Variants in TJP2 observed in about 807,000 individuals in gnomAD.
TJP2 encodes tight junction protein 2.
Under a neutral mutation model 133.1 loss-of-function variants are expected in TJP2, and 91 were observed. The observed-to-expected ratio is 0.68, with a 90% confidence interval of 0.58 to 0.81. TJP2 has a LOEUF of 0.81. TJP2 is among the 40% of genes least tolerant of loss of function. The pLI is 0.00. For missense variants in TJP2, 1,541 were observed against 1,565.6 expected (o/e 0.98, Z 0.26); for synonymous variants, 592 against 583.4 (o/e 1.01, Z -0.21).
chr9:69,174,367 TC>T lies in TJP2; in HGVS notation c.-4del. On this transcript the variant is annotated 5_prime_UTR_variant, in exon 1 of 23. Transcript: ENST00000377245. ...GCTGCGCGCCTACGCGGGACCTGTG[TC>T]CGAAATGCCGGTGCGAGGAGACCGC... The T allele has an allele frequency of 9.0e-6, 14 of 1,551,710 alleles. No individual in the cohort carries two copies. Among genetic ancestry groups the T allele is most frequent in the Non-Finnish European group, 1.2e-5 (14 of 1,147,018 alleles).
At chr9:69,139,450 C>A (rs2133283305) in intron 1 of TJP2, among the ~76,000 whole-genome samples, 1 of 152,268 alleles carries the variant, frequency 6.6e-6, no homozygotes, top group Middle Eastern at 3.4e-3. Context: ...CAGACACATA[C>A]AGAGGGAAGG....
intron 2 of TJP2, among the ~76,000 whole-genome samples, chr9:69,154,397 C>T (rs1392485610): frequency 1.3e-5 from 2 of 152,214 alleles, no homozygotes; most frequent in South Asian, 2.1e-4. Context: ...TCAGCCTCTA[C>T]TCATTCTGCT....
intron 1 of TJP2, among the ~76,000 whole-genome samples, chr9:69,177,708 G>A (rs556679133): frequency 3.4e-4 from 52 of 151,736 alleles, no homozygotes; most frequent in African/African-American, 1.1e-3. Flanking sequence ...GTGGTGGTGC[G>A]GTCTTGGCTC....
chr9:69,145,784 GAGC>G, intron 1 of TJP2: 1 of 1,232,084 alleles, frequency 8.1e-7, no homozygotes. Flanking sequence ...TTCTACCTGA[GAGC>G]AGAAGACACG....
chr9:69,242,612 G>A (rs543500743), intron 17 of TJP2, among the ~76,000 whole-genome samples: 1 of 152,196 alleles, frequency 6.6e-6, no homozygotes, highest in East Asian at 1.9e-4. Context: ...GATAGATGGT[G>A]CAGGGTGTGC....
At chr9:69,211,543 T>G (rs1236255479) in intron 1 of TJP2, among the ~76,000 whole-genome samples, 1 of 152,184 alleles carries the variant, frequency 6.6e-6, no homozygotes, top group Non-Finnish European at 1.5e-5. Context: ...AGGGCTGTGT[T>G]TGAGTGTGAT....
intron 1 of TJP2, among the ~76,000 whole-genome samples, chr9:69,203,327 A>T (rs1827137740): frequency 6.6e-6 from 1 of 151,612 alleles, no homozygotes; most frequent in African/African-American, 2.4e-5. Context: ...ATTTATTATT[A>T]TTTTTTTGAG....
Position 69,254,480 on chromosome 9 carries a change from C to G in TJP2, c.*106C>G. 7.0e-7 allele frequency: 1 copy of G among 1,429,036 alleles called. No homozygotes were observed. Among genetic ancestry groups the G allele is most frequent in the Non-Finnish European group, 9.7e-7 (1 of 1,029,518 alleles). The allele number at this position is 1,429,036 out of a possible 1,614,324, so 88.5% of individuals were successfully genotyped here. On this transcript the variant is annotated 3_prime_UTR_variant, in exon 23 of 23. Coordinates refer to ENST00000377245, the MANE Select transcript of TJP2 (RefSeq NM_004817.4). ...CTCCAGTTAGAATGCACCATGGAGA[C>G]GTGGTGGGACTCCAGCTCGTGTGTC...
At chr9:69,207,127 C>T (rs1340099420) in intron 1 of TJP2, among the ~76,000 whole-genome samples, 2 of 152,044 alleles carry the variant, frequency 1.3e-5, no homozygotes, top group East Asian at 1.9e-4. Context: ...TGCATGCGTG[C>T]GTACACACAC....
At chr9:69,248,970 CAAAAAAAA>C in intron 19 of TJP2, 2 of 910,796 alleles carry the variant, frequency 2.2e-6, no homozygotes, top group Non-Finnish European at 1.3e-6. Context: ...ATAGAACTAC[CAAAAAAAA>C]AAAAAAAAAA....
chr9:69,159,268 C>T (rs1472314924), intron 2 of TJP2, among the ~76,000 whole-genome samples: 1 of 151,924 alleles, frequency 6.6e-6, no homozygotes, highest in Non-Finnish European at 1.5e-5. Flanking sequence ...CTGCAATGAG[C>T]CAAGATTACG....
At position 69,127,915 on chromosome 9, in the gene TJP2, C is replaced by CTTTTTTTTTTTTTT. The variant is rs533707557; in HGVS notation, c.-131+6202_-131+6203insTTTTTTTTTTTTTT. Among the ~76,000 whole-genome samples the CTTTTTTTTTTTTTT allele has an allele frequency of 5.0e-4, 33 of 66,220 alleles. 7 individuals carry two copies. Among genetic ancestry groups the CTTTTTTTTTTTTTT allele is most frequent in the African/African-American group, 1.5e-3 (33 of 21,660 alleles). 43.4% of individuals were successfully genotyped at this position (66,220 alleles called of 152,430 possible). On this transcript the variant is annotated intron_variant, in intron 1 of 5. Coordinates refer to the TJP2 transcript ENST00000423935. Reference sequence around the variant, plus strand: ...TGTACATTGTAGTATGTATCTGTTCCTTTTTTTTTTTTGAGTCAGGATCTT... The same window carrying CTTTTTTTTTTTTTT: ...TGTACATTGTAGTATGTATCTGTTCCTTTTTTTTTTTTTTTTTTTTTTTTTTGAGTCAGGATCTT...
intron 1 of TJP2, among the ~76,000 whole-genome samples, chr9:69,209,201 C>T (rs1827668829): frequency 1.3e-5 from 2 of 152,100 alleles, no homozygotes; most frequent in South Asian, 4.1e-4. Context: ...GGCGCAATCT[C>T]AGCTCATTGC....
intron 2 of TJP2, among the ~76,000 whole-genome samples, chr9:69,158,342 A>AAC (rs1823883998): frequency 6.7e-6 from 1 of 149,506 alleles, no homozygotes; most frequent in African/African-American, 2.5e-5. Context: ...AAAAAAAAAA[A>AAC]AAAAAAAAAA....
rs186065862 is a variant in TJP2, at chr9:69,194,019, A to G, written c.61-18529A>G. On this transcript the variant is annotated intron_variant, in intron 1 of 22. Transcript: ENST00000377245. ...TGCAGTTGAAACCATAAATTGTAAG[A>G]TTTTTAGTCTTGTCCATAGATTAAC... Among the ~76,000 whole-genome samples the G allele has an allele frequency of 4.1e-3, 627 of 152,302 alleles. 10 individuals carry two copies. The highest frequency in any genetic ancestry group is 0.02 in the Middle Eastern group (6 of 294).
At position 69,220,957 on chromosome 9, in the gene TJP2, G is replaced by T; in HGVS notation, c.413G>T (p.Arg138Leu). ...AGCCCTCCCCTGGATCAGGATGACC[G>T]GGCTTTTGAGGTGATGGACGAGTTT... The part of the protein sequence containing the change: ...QASPPLDQDD[R>L]AFEVMDEFDG... The change falls in exon 5 of 23, where the codon CGG becomes CTG. Residue 138 changes from arginine to leucine, a missense_variant. Physicochemically the swap from Arg to Leu is moderately radical, Grantham distance 102. Coordinates refer to ENST00000377245, the MANE Select transcript of TJP2 (RefSeq NM_004817.4). 6.2e-7 allele frequency: 1 copy of T among 1,612,786 alleles called. No individual in the cohort carries two copies. The highest frequency in any genetic ancestry group is 8.5e-7 in the Non-Finnish European group (1 of 1,179,946).
upstream of TJP2, among the ~76,000 whole-genome samples, chr9:69,172,524 G>A (rs955512388): frequency 2.0e-4 from 30 of 152,124 alleles, no homozygotes; most frequent in African/African-American, 6.8e-4. Context: ...CTTACTGGTG[G>A]CAAGTGGTCA....
At chr9:69,130,128 G>A (rs898566422) in intron 1 of TJP2, among the ~76,000 whole-genome samples, 2 of 152,182 alleles carry the variant, frequency 1.3e-5, no homozygotes, top group East Asian at 3.9e-4. Context: ...TTCCCAAGCT[G>A]CACGGCAGTG....
chr9:69,146,409 G>GC (rs1358942992), intron 1 of TJP2, among the ~76,000 whole-genome samples: 1 of 152,158 alleles, frequency 6.6e-6, no homozygotes, highest in Admixed American at 6.5e-5. Flanking sequence ...AATTTAAGGT[G>GC]CCTTTATGGT....
Sources: gnomAD v4.1 joint callset for allele counts (sites outside exome capture counted in the v4.1 genomes callset) on GRCh38, gnomAD v4.1.1 for gene constraint, MANE v1.5 for transcripts, NCBI Gene and HGNC (gene_info 2026-07-23, HGNC 2026-07-21) for gene names.